Variants in SCUBE1 observed in about 807,000 individuals in gnomAD.
SCUBE1 encodes signal peptide, CUB and EGF-like domain-containing protein 1.
A neutral mutation model predicts 124.4 loss-of-function variants in SCUBE1; 59 were observed. That is an observed-to-expected ratio of 0.47 (90% CI 0.38 to 0.59). The LOEUF (loss-of-function observed/expected upper bound fraction) is 0.59. SCUBE1 is among the 20% of genes least tolerant of loss of function. The pLI, the probability that SCUBE1 is intolerant of heterozygous loss-of-function variation, is 0.00. For missense variants in SCUBE1, 1,150 were observed against 1,371.2 expected, an observed-to-expected ratio of 0.84 and a Z score of 2.55; for synonymous variants, 545 against 550.9, an observed-to-expected ratio of 0.99 and a Z score of 0.15.
Position 43,246,464 on chromosome 22 carries a change from C to G in SCUBE1, c.728-7510G>C, listed in dbSNP as rs573817419. ...GCCCAGGGAGGCTTGGGGATCTGATCAACAGCAGCTCACACTCACTGATCA... is the reference window on the plus strand; with the variant it reads ...GCCCAGGGAGGCTTGGGGATCTGATGAACAGCAGCTCACACTCACTGATCA... On this transcript the variant is annotated intron_variant, in intron 6 of 21. Transcript: ENST00000360835. Among the ~76,000 whole-genome samples the G allele has an allele frequency of 3.8e-4, 58 of 152,314 alleles. No individual in the cohort carries two copies. The South Asian group carries it at 0.012, about 31-fold the overall frequency.
intron 8 of SCUBE1, among the ~76,000 whole-genome samples, chr22:43,229,804 G>T (rs1167087460): frequency 6.6e-6 from 1 of 152,100 alleles, no homozygotes; most frequent in Admixed American, 6.5e-5. Context: ...GTCATGGGGT[G>T]TTTGTTCCTG....
At chr22:43,297,111 G>T (rs1925592460) in intron 3 of SCUBE1, among the ~76,000 whole-genome samples, 1 of 152,242 alleles carries the variant, frequency 6.6e-6, no homozygotes, top group African/African-American at 2.4e-5. Context: ...GGACCCTGTT[G>T]TTCTCGAAGC....
intron 4 of SCUBE1, among the ~76,000 whole-genome samples, chr22:43,266,062 T>C (rs1213139118): frequency 5.3e-5 from 8 of 152,072 alleles, no homozygotes; most frequent in African/African-American, 1.2e-4. Flanking sequence ...GATTGCGCCA[T>C]TGCACTGCAG....
At chr22:43,286,941 T>C (rs1195871247) in intron 4 of SCUBE1, among the ~76,000 whole-genome samples, 1 of 152,196 alleles carries the variant, frequency 6.6e-6, no homozygotes, top group Non-Finnish European at 1.5e-5. Context: ...CATCTTCCTG[T>C]GGCATCAATC....
intron 4 of SCUBE1, among the ~76,000 whole-genome samples, chr22:43,273,883 T>C (rs1428655609): frequency 6.6e-6 from 1 of 152,174 alleles, no homozygotes; most frequent in Admixed American, 6.5e-5. Context: ...TAAAACTTTC[T>C]TTTGTAAGAG....
Position 43,343,232 on chromosome 22 carries a change from C to T in SCUBE1, c.30G>A (p.Leu10=), listed in dbSNP as rs1927392300. ...GTGTGCCCAGGGCCAGCAGCACGCA[C>T]AAGTGCCAGCGCACGGCCGCCGCGC... The part of the protein sequence containing the change: MGAAAVRWH[L]CVLLALGTRG... The change falls in exon 1 of 22, where the codon TTG becomes TTA. Residue 10 remains leucine, a synonymous_variant. Transcript: ENST00000360835. 3.3e-6 allele frequency: 4 copies of T among 1,206,130 alleles called. No individual in the cohort carries two copies. The highest frequency in any genetic ancestry group is 4.1e-6 in the Non-Finnish European group (4 of 965,226). 74.7% of individuals were successfully genotyped at this position (1,206,130 alleles called of 1,614,324 possible). A position where few individuals can be genotyped will look rare whatever the true frequency, so the allele number is the denominator to read the frequency against.
chr22:43,339,121 T>C lies in SCUBE1; in HGVS notation c.203A>G (p.Glu68Gly), dbSNP rs1345892163. ...GGACTCACCTTCACACTGCTTGCCT[T>C]CCCCCTTGTAGCCTGGCTTGCAGAG... ...KCLCKPGYKG[E>G]GKQCEDIDEC... is the part of the protein sequence containing the mutation. The change falls in exon 2 of 22, where the codon GAA (glutamate) becomes GGA (glycine). Residue 68 changes from glutamate (E) to glycine (G), a missense_variant. Physicochemically the swap from Glu to Gly is moderately conservative, Grantham distance 98. Around this residue, in one of 3 missense-constraint regions of SCUBE1, gnomAD observed 337 missense variants for 482.1 expected, o/e 0.70. Transcript: ENST00000360835. The C allele has an allele frequency of 6.2e-7, 1 of 1,613,506 alleles. No homozygotes were observed. Among genetic ancestry groups the C allele is most frequent in the Non-Finnish European group, 8.5e-7 (1 of 1,179,586 alleles).
At chr22:43,340,242 T>C (rs1024164984) in intron 1 of SCUBE1, among the ~76,000 whole-genome samples, 4 of 151,944 alleles carry the variant, frequency 2.6e-5, no homozygotes, top group African/African-American at 9.7e-5. Context: ...AGCCCATCCA[T>C]GGTTCTGACT....
At chr22:43,205,115 T>C (rs972320977) in intron 21 of SCUBE1, among the ~76,000 whole-genome samples, 2 of 152,048 alleles carry the variant, frequency 1.3e-5, no homozygotes, top group African/African-American at 4.8e-5. Flanking sequence ...GGAACATCGC[T>C]TTGCTGCTCT....
chr22:43,278,116 T>TA (rs1924608125), intron 4 of SCUBE1, among the ~76,000 whole-genome samples: 2 of 152,208 alleles, frequency 1.3e-5, no homozygotes, highest in South Asian at 4.1e-4. Flanking sequence ...GGGAGGCTCA[T>TA]AAAAAATAAT....
chr22:43,333,057 G>A (rs774455670), intron 2 of SCUBE1, among the ~76,000 whole-genome samples: 1 of 152,206 alleles, frequency 6.6e-6, no homozygotes, highest in Non-Finnish European at 1.5e-5. Flanking sequence ...AGGAGGAGAC[G>A]TGGGAAAACC....
chr22:43,220,231 C>CCCTGGGCTGCCTCTTCTAT, intron 14 of SCUBE1, among the ~76,000 whole-genome samples: 1 of 152,294 alleles, frequency 6.6e-6, no homozygotes, highest in African/African-American at 2.4e-5. Flanking sequence ...TGTCTCATTG[C>CCCTGGGCTGCCTCTTCTAT]CCTGGGCTGC....
chr22:43,309,923 C>T (rs6003150), intron 3 of SCUBE1, among the ~76,000 whole-genome samples: 68,468 of 151,970 alleles, frequency 0.45, 15,707 homozygotes, highest in Non-Finnish European at 0.49. Context: ...AGCCACCAAC[C>T]GCTCTGACCC....
chr22:43,218,163 C>T (rs1167033166), intron 15 of SCUBE1, 92 bp downstream of exon 15: 1 of 1,231,828 alleles, frequency 8.1e-7, no homozygotes, highest in African/African-American at 1.5e-5. Context: ...CCCCAGGTGT[C>T]TGTCTCACCT....
chr22:43,220,061 AC>A (rs1439038621), intron 14 of SCUBE1, among the ~76,000 whole-genome samples: 1 of 152,220 alleles, frequency 6.6e-6, no homozygotes, highest in East Asian at 1.9e-4. Context: ...TGCTGCTGTG[AC>A]ACCCGAGCCA....
At chr22:43,231,393 C>T (rs1026893439) in intron 8 of SCUBE1, among the ~76,000 whole-genome samples, 1 of 152,230 alleles carries the variant, frequency 6.6e-6, no homozygotes, top group South Asian at 2.1e-4. Context: ...AGAGCGCCTG[C>T]CTGCAATGTG....
intron 7 of SCUBE1, among the ~76,000 whole-genome samples, chr22:43,235,286 T>C (rs375652907): frequency 1.3e-4 from 19 of 151,594 alleles, no homozygotes; most frequent in East Asian, 9.8e-4. Context: ...GGCAGGGCGA[T>C]GGGGTGAGCT....
chr22:43,280,308 G>T (rs1924714956), intron 4 of SCUBE1, among the ~76,000 whole-genome samples: 1 of 151,918 alleles, frequency 6.6e-6, no homozygotes, highest in African/African-American at 2.4e-5. Flanking sequence ...CGGGTAACAG[G>T]CCTCGCTGAA....
chr22:43,304,989 C>T (rs1320276373), intron 3 of SCUBE1, among the ~76,000 whole-genome samples: 1 of 152,194 alleles, frequency 6.6e-6, no homozygotes, highest in Non-Finnish European at 1.5e-5. Flanking sequence ...CAGATATGGG[C>T]ACCCGGGGCA....
Sources: allele counts gnomAD v4.1 joint callset (sites outside exome capture counted in the v4.1 genomes callset), GRCh38; gene constraint gnomAD v4.1.1; regional missense constraint gnomAD v4.1.1; transcripts MANE v1.5; gene names NCBI Gene and HGNC (gene_info 2026-07-23, HGNC 2026-07-21).